The following UBXN2A variants were observed in gnomAD, a reference collection of about 807,000 sequenced individuals.
The protein encoded by UBXN2A is UBX domain-containing protein 2A.
A neutral mutation model predicts 28.4 loss-of-function variants in UBXN2A; 28 were observed. That is an observed-to-expected ratio of 0.99 (90% CI 0.73 to 1.35). The LOEUF (loss-of-function observed/expected upper bound fraction) is 1.35, where lower values mean the gene tolerates loss of function less well. Ranked by LOEUF, UBXN2A falls within the 40% of genes most tolerant of loss-of-function variation. The probability of loss-of-function intolerance (pLI) is 0.00; values close to 1 mark genes in which losing one functional copy is unlikely to be tolerated. For synonymous variants in UBXN2A, 97 were observed against 103.6 expected (o/e 0.94, Z 0.39); for missense variants, 253 against 297.9 (o/e 0.85, Z 1.11).
intron 6 of UBXN2A, among the ~76,000 whole-genome samples, chr2:23,995,471 C>G (rs1460246844): frequency 1.3e-5 from 2 of 151,902 alleles, no homozygotes; most frequent in African/African-American, 2.4e-5. Context: ...GCGGGCGGAT[C>G]ACGAGGTCAG....
intron 3 of UBXN2A, among the ~76,000 whole-genome samples, chr2:23,976,398 A>G (rs1229199978): frequency 6.6e-6 from 1 of 152,102 alleles, no homozygotes; most frequent in Non-Finnish European, 1.5e-5. Context: ...CTTCCCCCTT[A>G]TATTTTAATG....
At chr2:23,981,168 C>A (rs541544809) in intron 4 of UBXN2A, among the ~76,000 whole-genome samples, 1 of 152,016 alleles carries the variant, frequency 6.6e-6, no homozygotes, top group African/African-American at 2.4e-5. Flanking sequence ...CTTATATACA[C>A]AAAGGTACAG....
Position 23,999,894 on chromosome 2 carries a change from G to A in UBXN2A, c.*27G>A. On this transcript the variant is annotated 3_prime_UTR_variant, in exon 7 of 7. Transcript: ENST00000309033. ...TTTTGATAGACTAAGTGGAAAATTT[G>A]CAGAGAAATGATGGTTGTAAGTGGA... is the stretch of plus-strand genomic sequence containing the variant. 1 of 1,603,600 alleles carries A rather than the reference G, an allele frequency of 6.2e-7. No individual in the cohort carries two copies. The highest frequency in any genetic ancestry group is 8.5e-7 in the Non-Finnish European group (1 of 1,174,682).
chr2:23,998,018 G>A, intron 6 of UBXN2A, among the ~76,000 whole-genome samples: 1 of 150,944 alleles, frequency 6.6e-6, no homozygotes, highest in Admixed American at 6.6e-5. Context: ...CACTATGTTG[G>A]CCAGACTAGT....
intron 6 of UBXN2A, among the ~76,000 whole-genome samples, chr2:23,994,284 A>G (rs1266717604): frequency 6.6e-6 from 1 of 152,104 alleles, no homozygotes; most frequent in Admixed American, 6.6e-5. Context: ...GGTGTTAGTT[A>G]TCTTTGCATT....
chr2:23,948,558 A>G (rs1319326357), intron 1 of UBXN2A, among the ~76,000 whole-genome samples: 1 of 151,978 alleles, frequency 6.6e-6, no homozygotes, highest in African/African-American at 2.4e-5. Flanking sequence ...TTTCTTACCA[A>G]TCTCTATAAC....
rs1005914864 is a variant in UBXN2A at position 24,004,699 on chromosome 2, G to C, written c.*4832G>C. On this transcript the variant is annotated 3_prime_UTR_variant, in exon 7 of 7. Transcript: ENST00000309033. ...TACATATCTAATGTTACAGATTGTG[G>C]TTTATTGGTTAATTACTATGCATTT... 13 of 152,228 alleles carry C rather than the reference G, an allele frequency of 8.5e-5. No individual in the cohort carries two copies. Among genetic ancestry groups the C allele is most frequent in the African/African-American group, 3.1e-4 (13 of 41,548 alleles). 9.4% of individuals were successfully genotyped at this position (152,228 alleles called of 1,614,324 possible).
chr2:23,994,436 G>A (rs1392829821), intron 6 of UBXN2A, among the ~76,000 whole-genome samples: 2 of 152,100 alleles, frequency 1.3e-5, no homozygotes, highest in African/African-American at 2.4e-5. Context: ...TTATTTACAT[G>A]TATGTTAGAT....
At chr2:23,955,122 G>T (rs966542780) in intron 1 of UBXN2A, among the ~76,000 whole-genome samples, 1 of 151,960 alleles carries the variant, frequency 6.6e-6, no homozygotes, top group Middle Eastern at 3.4e-3. Flanking sequence ...TAGTAGAGAC[G>T]GGGTTTCACC....
chr2:23,929,381 G>A (rs919739154), intron 1 of UBXN2A, among the ~76,000 whole-genome samples: 1 of 150,592 alleles, frequency 6.6e-6, no homozygotes, highest in Non-Finnish European at 1.5e-5. Context: ...TAGCCTGGGT[G>A]ACAGAGTAAC....
At chr2:23,983,621 C>A (rs551709826) in intron 5 of UBXN2A, among the ~76,000 whole-genome samples, 2 of 152,154 alleles carry the variant, frequency 1.3e-5, no homozygotes, top group South Asian at 2.1e-4. Flanking sequence ...TAGTTAAGTT[C>A]TTTTGTGTCC....
intron 1 of UBXN2A, among the ~76,000 whole-genome samples, chr2:23,950,041 CTT>C (rs1346191467): frequency 7.6e-6 from 1 of 131,028 alleles, no homozygotes; most frequent in African/African-American, 2.8e-5. Context: ...GATCGCTACT[CTT>C]TGCTTTGCAC....
At chr2:23,965,274 C>G (rs1056321684) in intron 2 of UBXN2A, among the ~76,000 whole-genome samples, 2 of 152,210 alleles carry the variant, frequency 1.3e-5, no homozygotes, top group Non-Finnish European at 2.9e-5. Context: ...TGGTGAGACG[C>G]AGCATCCTTG....
chr2:23,945,144 A>G (rs1329475631), intron 1 of UBXN2A, among the ~76,000 whole-genome samples: 1 of 152,056 alleles, frequency 6.6e-6, no homozygotes, highest in African/African-American at 2.4e-5. Flanking sequence ...CTGGAATGAG[A>G]ATGTCCTGGA....
intron 2 of UBXN2A, among the ~76,000 whole-genome samples, chr2:23,960,089 A>G (rs1238170653): frequency 6.6e-6 from 1 of 151,980 alleles, no homozygotes; most frequent in Non-Finnish European, 1.5e-5. Flanking sequence ...CGTCTCTACT[A>G]AAAATACAAA....
chr2:24,000,061 G>T lies in UBXN2A; in HGVS notation c.*194G>T. The T allele has an allele frequency of 1.9e-6, 1 of 538,778 alleles. No individual in the cohort carries two copies. The highest frequency in any genetic ancestry group is 3.2e-6 in the Non-Finnish European group (1 of 311,740). The allele number at this position is 538,778 out of a possible 1,614,324, so 33.4% of individuals were successfully genotyped here. On this transcript the variant is annotated 3_prime_UTR_variant, in exon 7 of 7. Coordinates refer to ENST00000309033, the MANE Select transcript of UBXN2A (RefSeq NM_181713.4). ...CATATGACTGGAAACTATATTCAGT[G>T]CACTTTCTCCAAAAGACTACCCAGA...
intron 1 of UBXN2A, among the ~76,000 whole-genome samples, chr2:23,935,314 C>T (rs1705490249): frequency 6.6e-6 from 1 of 151,892 alleles, no homozygotes; most frequent in African/African-American, 2.4e-5. Flanking sequence ...GAAAGATTTG[C>T]AAATCACATA....
At chr2:23,995,229 T>C (rs72781654) in intron 6 of UBXN2A, among the ~76,000 whole-genome samples, 30,829 of 151,694 alleles carry the variant, frequency 0.2, 3,337 homozygotes, top group African/African-American at 0.28. Context: ...TTTTTTTCCC[T>C]CTAATTCACT....
chr2:23,992,808 A>T (rs1708400079), intron 6 of UBXN2A, among the ~76,000 whole-genome samples: 1 of 152,156 alleles, frequency 6.6e-6, no homozygotes, highest in South Asian at 2.1e-4. Context: ...TTTGCCTGGT[A>T]TATTTTTCTA....
Sources: gnomAD v4.1 joint callset for allele counts (sites outside exome capture counted in the v4.1 genomes callset) on GRCh38, gnomAD v4.1.1 for gene constraint, MANE v1.5 for transcripts, NCBI Gene and HGNC (gene_info 2026-07-23, HGNC 2026-07-21) for gene names.